The following SMYD3 variants were observed in gnomAD, a reference collection of about 807,000 sequenced individuals.
The protein encoded by SMYD3 is histone-lysine N-methyltransferase SMYD3.
SMYD3 carries 36 observed loss-of-function variants against 57.7 expected under a neutral mutation model. The observed-to-expected ratio is 0.62, with a 90% CI of 0.48 to 0.82. SMYD3 has a LOEUF of 0.82. SMYD3 is among the 40% of genes least tolerant of loss of function. SMYD3 has a pLI of 0.00. For missense variants in SMYD3, 515 were observed against 538.8 expected (o/e 0.96, Z 0.44); for synonymous variants, 211 against 195.0 (o/e 1.08, Z -0.68).
intron 5 of SMYD3, among the ~76,000 whole-genome samples, chr1:246,014,171 A>C (rs992706240): frequency 1.8e-4 from 28 of 152,140 alleles, no homozygotes; most frequent in African/African-American, 6.8e-4. Flanking sequence ...AAAAATACAA[A>C]AGTTAGCCGG....
At chr1:246,244,282 C>A (rs1254439422) in intron 5 of SMYD3, among the ~76,000 whole-genome samples, 1 of 151,948 alleles carries the variant, frequency 6.6e-6, no homozygotes, top group Non-Finnish European at 1.5e-5. Context: ...TGAGTGACCC[C>A]ATTTTATAGG....
At chr1:246,444,412 T>C (rs776069731) in intron 1 of SMYD3, among the ~76,000 whole-genome samples, 71 of 152,204 alleles carry the variant, frequency 4.7e-4, no homozygotes, top group East Asian at 7.8e-4. Context: ...GCATGAGCCA[T>C]CGCGCCCAGC....
intron 1 of SMYD3, among the ~76,000 whole-genome samples, chr1:246,413,593 G>A (rs991926009): frequency 1.4e-4 from 21 of 152,086 alleles, no homozygotes; most frequent in African/African-American, 4.8e-4. Context: ...AGGATCTCTC[G>A]TGGCCCAGTG....
At chr1:246,247,756 C>A (rs1319154362) in intron 5 of SMYD3, among the ~76,000 whole-genome samples, 1 of 152,004 alleles carries the variant, frequency 6.6e-6, no homozygotes, top group Non-Finnish European at 1.5e-5. Context: ...TATTTTCTAG[C>A]TAAGAGTCAC....
intron 5 of SMYD3, among the ~76,000 whole-genome samples, chr1:245,971,401 A>G (rs2058298644): frequency 6.6e-6 from 1 of 152,116 alleles, no homozygotes; most frequent in South Asian, 2.1e-4. Context: ...CTATGTAACA[A>G]AGCTGCACTG....
intron 5 of SMYD3, among the ~76,000 whole-genome samples, chr1:246,254,879 T>C (rs1441786576): frequency 6.6e-6 from 1 of 152,176 alleles, no homozygotes; most frequent in African/African-American, 2.4e-5. Context: ...GTGTTGTGCA[T>C]GTGTATCTCT....
At chr1:246,481,903 T>C (rs1486337182) in intron 1 of SMYD3, among the ~76,000 whole-genome samples, 2 of 151,674 alleles carry the variant, frequency 1.3e-5, no homozygotes, top group Non-Finnish European at 2.9e-5. Flanking sequence ...ACACTTGCAA[T>C]CCCAGCACTT....
intron 5 of SMYD3, among the ~76,000 whole-genome samples, chr1:246,079,838 T>C (rs1013406246): frequency 6.6e-6 from 1 of 152,234 alleles, no homozygotes; most frequent in South Asian, 2.1e-4. Context: ...ACAGAAATCA[T>C]AAATGTTGGT....
At chr1:246,142,151 T>G (rs1020286670) in intron 5 of SMYD3, among the ~76,000 whole-genome samples, 3 of 152,154 alleles carry the variant, frequency 2.0e-5, no homozygotes, top group Non-Finnish European at 2.9e-5. Flanking sequence ...CCTCAGTGGG[T>G]GCCTGAAACC....
intron 10 of SMYD3, among the ~76,000 whole-genome samples, chr1:245,783,626 T>A (rs1457900350): frequency 2.6e-5 from 4 of 152,102 alleles, no homozygotes; most frequent in African/African-American, 9.7e-5. Context: ...GGTAACATGA[T>A]TGCCTATGTA....
chr1:245,879,474 C>T (rs898545556), intron 8 of SMYD3, among the ~76,000 whole-genome samples: 12 of 152,170 alleles, frequency 7.9e-5, no homozygotes, highest in Non-Finnish European at 1.3e-4. Context: ...TGATGAGAAA[C>T]GCTTCAGTGC....
chr1:246,289,072 G>A (rs1053495061), intron 5 of SMYD3, among the ~76,000 whole-genome samples: 3 of 152,052 alleles, frequency 2.0e-5, no homozygotes, highest in South Asian at 2.1e-4. Context: ...CCAAGATTGC[G>A]CCACTGCACT....
intron 5 of SMYD3, among the ~76,000 whole-genome samples, chr1:246,223,735 C>T (rs187021954): frequency 7.9e-5 from 12 of 152,102 alleles, no homozygotes; most frequent in African/African-American, 2.7e-4. Context: ...ACTACCCCTT[C>T]TCTGTTTTCC....
chr1:246,169,381 CAAA>C (rs55719556), intron 5 of SMYD3, among the ~76,000 whole-genome samples: 1 of 61,884 alleles, frequency 1.6e-5, no homozygotes. Flanking sequence ...GACTTTCTTT[CAAA>C]AAAAAAAAAA....
chr1:246,259,799 G>A (rs1174398362), intron 5 of SMYD3, among the ~76,000 whole-genome samples: 1 of 152,222 alleles, frequency 6.6e-6, no homozygotes, highest in Non-Finnish European at 1.5e-5. Context: ...CACTGACAGA[G>A]AATCCAATGG....
intron 10 of SMYD3, among the ~76,000 whole-genome samples, chr1:245,849,577 A>G (rs967437512): frequency 6.6e-6 from 1 of 152,184 alleles, no homozygotes; most frequent in Admixed American, 6.5e-5. Context: ...AGGTGGTAAT[A>G]GTGCAGGATT....
chr1:246,022,367 T>C (rs572599624), intron 5 of SMYD3, among the ~76,000 whole-genome samples: 78 of 152,266 alleles, frequency 5.1e-4, no homozygotes, highest in African/African-American at 1.8e-3. Context: ...CAATAGGAGA[T>C]TGAGTATGAG....
chr1:246,177,684 T>G (rs1402685187), intron 5 of SMYD3, among the ~76,000 whole-genome samples: 1 of 152,176 alleles, frequency 6.6e-6, no homozygotes, highest in Non-Finnish European at 1.5e-5. Flanking sequence ...AGTCCAAAAA[T>G]GTCTTGTGAC....
At chr1:245,926,468 TA>T (rs2056381603) in intron 7 of SMYD3, among the ~76,000 whole-genome samples, 1 of 152,128 alleles carries the variant, frequency 6.6e-6, no homozygotes, top group African/African-American at 2.4e-5. Context: ...CAGGGAAAAA[TA>T]TCTGAGTCTG....
Sources: gnomAD v4.1 joint callset for allele counts (sites outside exome capture counted in the v4.1 genomes callset) on GRCh38, gnomAD v4.1.1 for gene constraint, MANE v1.5 for transcripts, NCBI Gene and HGNC (gene_info 2026-07-23, HGNC 2026-07-21) for gene names.